The following NOTCH1 variants were observed in gnomAD, a reference collection of about 807,000 sequenced individuals.
NOTCH1 encodes the protein neurogenic locus notch homolog protein 1.
A neutral mutation model predicts 254.8 loss-of-function variants in NOTCH1; 37 were observed. The ratio of observed to expected loss-of-function variants is 0.15; its 90% CI spans 0.11 to 0.19. The LOEUF (loss-of-function observed/expected upper bound fraction) is 0.19, where lower values mean the gene tolerates loss of function less well. NOTCH1 is among the 10% of genes least tolerant of loss of function. NOTCH1 has a pLI of 1.00. For missense variants in NOTCH1, 2,972 were observed against 3,708.6 expected (o/e 0.80, Z 5.16); for synonymous variants, 1,731 against 1,618.1 (o/e 1.07, Z -1.68).
Position 136,505,385 on chromosome 9 carries a change from T to C in NOTCH1, c.4511A>G (p.His1504Arg). 1 of 1,611,252 alleles carries C rather than the reference T, an allele frequency of 6.2e-7. No individual in the cohort carries two copies. Residue 1504 changes from histidine (H) to arginine (R), a missense_variant, in exon 25 of 34, where the codon CAC (histidine) becomes CGC (arginine). By Grantham distance (29) the His-to-Arg change is conservative (BLOSUM62 0). Around this residue, in one of 8 missense-constraint regions of NOTCH1, gnomAD observed 1,343 missense variants for 1,557.0 expected, o/e 0.86. Coordinates refer to ENST00000651671, the MANE Select transcript of NOTCH1 (RefSeq NM_017617.5). ...GGCTGAGTTGCACTGGCTGTCACAG[T>C]GGCCGTCACTGAAGTACTTCCAGCA... The part of the protein sequence containing the change: ...LQCWKYFSDG[H>R]CDSQCNSAGC...
chr9:136,504,912 C>T lies in NOTCH1; in HGVS notation c.4779G>A (p.Leu1593=), dbSNP rs2133336850. ...EQLRNSSFHF[L]RELSRVLHTN... ...TGTGCAGCACGCGGCTGAGCTCCCG[C>T]AGGAAGTGGAAGGAGCTGTTGCGCA... Residue 1593 remains leucine (L), a synonymous_variant, in exon 26 of 34, where the codon CTG becomes CTA. Transcript: ENST00000651671. 6.3e-7 allele frequency: 1 copy of T among 1,587,794 alleles called. No homozygotes were observed. The highest frequency in any genetic ancestry group is 8.6e-7 in the Non-Finnish European group (1 of 1,167,858).
At chr9:136,527,555 T>C (rs1843483708) in intron 2 of NOTCH1, among the ~76,000 whole-genome samples, 2 of 152,132 alleles carry the variant, frequency 1.3e-5, no homozygotes, top group African/African-American at 2.4e-5. Context: ...GGGAGACCCC[T>C]CTGGGGCTAA....
intron 2 of NOTCH1, among the ~76,000 whole-genome samples, chr9:136,541,244 AG>A (rs1433210220): frequency 2.0e-5 from 3 of 152,128 alleles, no homozygotes; most frequent in Non-Finnish European, 4.4e-5. Context: ...CCTCCTGGGA[AG>A]GCATTTTGCA....
intron 2 of NOTCH1, among the ~76,000 whole-genome samples, chr9:136,532,568 C>T (rs910347970): frequency 3.9e-5 from 6 of 152,324 alleles, no homozygotes; most frequent in East Asian, 1.9e-4. Flanking sequence ...GGGAGCCGGG[C>T]GTGCCGCCCG....
rs748370743 is a variant in NOTCH1, at chr9:136,515,601, G to A, written c.1785C>T (p.Tyr595=). The A allele has an allele frequency of 1.9e-6, 3 of 1,609,906 alleles. No individual in the cohort carries two copies. The highest frequency in any genetic ancestry group is 3.3e-5 in the Admixed American group (2 of 59,888). ...ATFTCLCRPG[Y]TGHHCETNIN... ...TGTTGGTCTCGCAGTGGTGGCCCGTGTAGCCTGGGCGGCAGAGGCAGGTGA... is the reference window on the plus strand; with the variant it reads ...TGTTGGTCTCGCAGTGGTGGCCCGTATAGCCTGGGCGGCAGAGGCAGGTGA... The change falls in exon 11 of 34, where the codon TAC becomes TAT. Residue 595 remains tyrosine, a synonymous_variant. Coordinates refer to ENST00000651671, the MANE Select transcript of NOTCH1 (RefSeq NM_017617.5).
In NOTCH1 at chr9:136,522,795, C is replaced by A. The variant is rs1043241536; in HGVS notation, c.742+55G>T. On this transcript the variant is annotated intron_variant, in intron 4 of 33. Coordinates refer to ENST00000651671, the MANE Select transcript of NOTCH1 (RefSeq NM_017617.5). ...ACACCAGGCGCCCCGTTCCCACCCC[C>A]TGGGCCTGGCAGCCGGGGAGGGGCT... The A allele has an allele frequency of 3.4e-5, 49 of 1,431,848 alleles. No homozygotes were observed. In the African/African-American group the frequency reaches 6.6e-4, roughly 19 times the overall value. 88.7% of individuals were successfully genotyped at this position (1,431,848 alleles called of 1,614,324 possible).
In NOTCH1 at chr9:136,514,542, G is replaced by A. The variant is rs770313470; in HGVS notation, c.2175C>T (p.Cys725=). The change falls in exon 13 of 34, where the codon TGC becomes TGT. Residue 725 remains cysteine, a synonymous_variant. Coordinates refer to ENST00000651671, the MANE Select transcript of NOTCH1 (RefSeq NM_017617.5). ...SEVNECNSNP[C]VHGACRDSLN... ...GGCTGTCCCGGCAGGCCCCGTGGACGCAGGGGTTGCTGTTGCACTCATTGA... is the reference window on the plus strand; with the variant it reads ...GGCTGTCCCGGCAGGCCCCGTGGACACAGGGGTTGCTGTTGCACTCATTGA... The A allele has an allele frequency of 1.1e-5, 17 of 1,599,268 alleles. No homozygotes were observed. The Admixed American group carries it at 1.7e-4, about 16-fold the overall frequency.
chr9:136,495,361 G>C lies in NOTCH1; in HGVS notation c.*710C>G. On this transcript the variant is annotated 3_prime_UTR_variant, in exon 34 of 34. Transcript: ENST00000651671. ...AACCTGAAACAAAGATTCATGATTG[G>C]TACCATGGGTGCACTCTTGGCATAC... 2.5e-6 allele frequency: 1 copy of C among 398,846 alleles called. No individual in the cohort carries two copies. The highest frequency in any genetic ancestry group is 4.4e-6 in the Non-Finnish European group (1 of 226,096). The allele number at this position is 398,846 out of a possible 1,614,324, so 24.7% of individuals were successfully genotyped here. A position where few individuals can be genotyped will look rare whatever the true frequency, so the allele number is the denominator to read the frequency against.
chr9:136,502,178 G>A, intron 28 of NOTCH1, 90 bp from the exon 29 acceptor site: 1 of 1,576,796 alleles, frequency 6.3e-7, no homozygotes. Flanking sequence ...TGGGAGGTGG[G>A]CCCTGGGTCG....
chr9:136,542,170 T>C (rs2133403675), intron 2 of NOTCH1, among the ~76,000 whole-genome samples: 1 of 152,272 alleles, frequency 6.6e-6, no homozygotes, highest in Admixed American at 6.5e-5. Context: ...CAGGGAGACC[T>C]CAGTCCCAGA....
intron 25 of NOTCH1, 50 bp from the exon 26 acceptor site, chr9:136,505,154 C>A (rs768891469): frequency 2.4e-5 from 38 of 1,573,662 alleles, no homozygotes; most frequent in Non-Finnish European, 3.2e-5. Flanking sequence ...GGGCCTCGCA[C>A]CCGCCGTCCG....
At chr9:136,519,826 G>A (rs1843338481) in intron 4 of NOTCH1, among the ~76,000 whole-genome samples, 1 of 152,228 alleles carries the variant, frequency 6.6e-6, no homozygotes, top group Non-Finnish European at 1.5e-5. Flanking sequence ...AAACCCTTGG[G>A]TCTCTTTTAA....
At chr9:136,533,309 T>TG (rs1373074380) in intron 2 of NOTCH1, among the ~76,000 whole-genome samples, 44 of 44,908 alleles carry the variant, frequency 9.8e-4, no homozygotes, top group African/African-American at 1.3e-3. Flanking sequence ...GTGCCCAGCC[T>TG]GAGCTCAAGC....
Position 136,496,334 on chromosome 9 carries a change from G to T in NOTCH1, c.7405C>A (p.Pro2469Thr). Residue 2469 changes from proline (P) to threonine (T), a missense_variant, in exon 34 of 34, where the codon CCA becomes ACA. Physicochemically the swap from Pro to Thr is conservative, Grantham distance 38. Around this residue, in one of 8 missense-constraint regions of NOTCH1, gnomAD observed 85 missense variants for 126.1 expected, o/e 0.67. Transcript: ENST00000651671. The stretch of plus-strand genomic sequence containing the variant: ...GTCACGGGTGGGACCAGCGAGGATG[G>T]CAGCGACGTGGGCAGGGCGGGGCTC... ...QESPALPTSL[P>T]SSLVPPVTAA... 6.3e-7 allele frequency: 1 copy of T among 1,593,518 alleles called. No homozygotes were observed. Among genetic ancestry groups the T allele is most frequent in the Non-Finnish European group, 8.5e-7 (1 of 1,171,004 alleles).
intron 2 of NOTCH1, among the ~76,000 whole-genome samples, chr9:136,524,639 C>CTTTTTTTT (rs869128901): frequency 9.2e-5 from 5 of 54,410 alleles, no homozygotes; most frequent in African/African-American, 2.6e-4. Context: ...TTTTTCTTTT[C>CTTTTTTTT]TTTTTTTTTT....
In NOTCH1 at chr9:136,502,292, G is replaced by A. The variant is rs918291242; in HGVS notation, c.5364C>T (p.Gly1788=). The A allele has an allele frequency of 2.5e-6, 4 of 1,611,976 alleles. No homozygotes were observed. The highest frequency in any genetic ancestry group is 1.3e-5 in the African/African-American group (1 of 74,906). ...ASKKKRREPL[G]EDSVGLKPLK... is the part of the protein sequence containing the mutation. ...CTCACTTGAGGCCCACGGAGTCCTC[G>A]CCGAGGGGCTCCCGCCGCTTCTTCT... The change falls in exon 28 of 34, where the codon GGC becomes GGT. Residue 1788 remains glycine (G), a synonymous_variant. Transcript: ENST00000651671.
At chr9:136,529,273 G>A (rs1843521381) in intron 2 of NOTCH1, among the ~76,000 whole-genome samples, 1 of 152,248 alleles carries the variant, frequency 6.6e-6, no homozygotes, top group African/African-American at 2.4e-5. Context: ...GCCAGACCTG[G>A]GTGGGGATGC....
Position 136,505,794 on chromosome 9 carries a change from G to A in NOTCH1, c.4102C>T (p.Arg1368Cys), listed in dbSNP as rs1231118590. 6 of 1,583,848 alleles carry A rather than the reference G, an allele frequency of 3.8e-6. No homozygotes were observed. The highest frequency in any genetic ancestry group is 2.2e-5 in the East Asian group (1 of 44,476). The change falls in exon 25 of 34, where the codon CGC becomes TGC. Residue 1368 changes from arginine (R) to cysteine (C), a missense_variant. By Grantham distance (180) the Arg-to-Cys change is radical (BLOSUM62 -3). Transcript: ENST00000651671. ...CCCAGGCACAGGCAGGTGGGGCTGCGCGGGCCGGAGATGCATGTGCCGCCG... is the reference window on the plus strand; with the variant it reads ...CCCAGGCACAGGCAGGTGGGGCTGCACGGGCCGGAGATGCATGTGCCGCCG... ...LNGGTCISGP[R>C]SPTCLCLGPF...
chr9:136,533,517 C>T (rs1843595430), intron 2 of NOTCH1, among the ~76,000 whole-genome samples: 1 of 152,258 alleles, frequency 6.6e-6, no homozygotes, highest in Non-Finnish European at 1.5e-5. Context: ...TCAGCTCTCA[C>T]CGCCCACCTC....
Sources: gnomAD v4.1 joint callset for allele counts (sites outside exome capture counted in the v4.1 genomes callset) on GRCh38, gnomAD v4.1.1 for gene constraint, gnomAD v4.1.1 regional missense constraint, MANE v1.5 for transcripts, NCBI Gene and HGNC (gene_info 2026-07-23, HGNC 2026-07-21) for gene names.